Variants in S100PBP observed in about 807,000 individuals in gnomAD.
S100PBP encodes S100P-binding protein.
S100PBP carries 15 observed loss-of-function variants against 39.9 expected under a neutral mutation model. That is an observed-to-expected ratio of 0.38 (90% CI 0.25 to 0.58). S100PBP has a LOEUF of 0.58. S100PBP is among the 20% of genes least tolerant of loss of function. The pLI is 0.70. For synonymous variants in S100PBP, 178 were observed against 180.3 expected, an observed-to-expected ratio of 0.99 and a Z score of 0.10; for missense variants, 504 against 487.3, an observed-to-expected ratio of 1.03 and a Z score of -0.32.
chr1:32,857,844 A>G lies in S100PBP; in HGVS notation c.*1806A>G, dbSNP rs772510986. On this transcript the variant is annotated 3_prime_UTR_variant, in exon 7 of 7. Coordinates refer to ENST00000373475, the MANE Select transcript of S100PBP (RefSeq NM_022753.4). ...GGTCATTTAAGCCAACAATAAATTT[A>G]GGTGAATGTCCCTAAGTGTTTACTG... The G allele has an allele frequency of 6.6e-6, 1 of 152,224 alleles. No individual in the cohort carries two copies. The highest frequency in any genetic ancestry group is 1.5e-5 in the Non-Finnish European group (1 of 68,042). 9.4% of individuals were successfully genotyped at this position (152,224 alleles called of 1,614,324 possible).
chr1:32,817,160 C>A, upstream of S100PBP: 2 of 1,613,844 alleles, frequency 1.2e-6, no homozygotes, highest in Non-Finnish European at 1.7e-6. Context: ...TAATCCCCAA[C>A]GGCGCATTTC....
intron 5 of S100PBP, among the ~76,000 whole-genome samples, chr1:32,844,369 A>G (rs1442270349): frequency 6.6e-6 from 1 of 152,082 alleles, no homozygotes; most frequent in Non-Finnish European, 1.5e-5. Flanking sequence ...GATTTTAGAA[A>G]AACATTTGGA....
chr1:32,856,159 A>G lies in S100PBP; in HGVS notation c.*121A>G, dbSNP rs1466202504. 6.4e-6 allele frequency: 4 copies of G among 628,160 alleles called. No homozygotes were observed. The highest frequency in any genetic ancestry group is 1.1e-5 in the Non-Finnish European group (4 of 377,844). The allele number at this position is 628,160 out of a possible 1,614,324, so 38.9% of individuals were successfully genotyped here. ...GGATTTTATTTTTCACAAAATTTTT[A>G]TTTAAAAAACTCGTCACCTTTTGGA... On this transcript the variant is annotated 3_prime_UTR_variant, in exon 7 of 7. Coordinates refer to ENST00000373475, the MANE Select transcript of S100PBP (RefSeq NM_022753.4).
chr1:32,823,988 G>A (rs1338190975), intron 1 of S100PBP, among the ~76,000 whole-genome samples: 1 of 152,196 alleles, frequency 6.6e-6, no homozygotes, highest in Non-Finnish European at 1.5e-5. Context: ...CACAAGGTCA[G>A]GAGATGGAGA....
Position 32,826,086 on chromosome 1 carries a change from T to G in S100PBP, c.-2-12T>G. On this transcript the variant is annotated splice_polypyrimidine_tract_variant and intron_variant, in intron 2 of 6. Transcript: ENST00000373475. ...TTCTCTTCCTCAGTGAAATTGTCTCTTATTTCTCCAGAAATGATGTGCTCA... is the reference window on the plus strand; with the variant it reads ...TTCTCTTCCTCAGTGAAATTGTCTCGTATTTCTCCAGAAATGATGTGCTCA... 2 of 1,570,170 alleles carry G rather than the reference T, an allele frequency of 1.3e-6. No homozygotes were observed. The highest frequency in any genetic ancestry group is 2.3e-5 in the South Asian group (2 of 85,164).
intron 2 of S100PBP, 82 bp downstream of exon 2, chr1:32,825,511 A>G (rs1367599599): frequency 6.6e-6 from 1 of 152,366 alleles, no homozygotes; most frequent in South Asian, 2.1e-4. Flanking sequence ...TTTGTGTTAA[A>G]GTGTAAACTG....
At chr1:32,833,642 G>T (rs565394930) in intron 5 of S100PBP, among the ~76,000 whole-genome samples, 2 of 151,950 alleles carry the variant, frequency 1.3e-5, no homozygotes, top group African/African-American at 4.8e-5. Flanking sequence ...GATTACAGGC[G>T]TGAGACAGCA....
chr1:32,819,580 TA>T (rs1282957269), intron 1 of S100PBP, among the ~76,000 whole-genome samples: 2 of 151,712 alleles, frequency 1.3e-5, no homozygotes, highest in African/African-American at 4.8e-5. Flanking sequence ...AAAAATAAAA[TA>T]AAAAAATAAA....
intron 4 of S100PBP, among the ~76,000 whole-genome samples, chr1:32,828,342 C>T (rs1020626407): frequency 6.6e-6 from 1 of 151,956 alleles, no homozygotes; most frequent in Non-Finnish European, 1.5e-5. Context: ...GACATATTAG[C>T]GAAAACACTA....
chr1:32,846,240 C>T (rs751866543), intron 5 of S100PBP, among the ~76,000 whole-genome samples: 1 of 151,866 alleles, frequency 6.6e-6, no homozygotes, highest in South Asian at 2.1e-4. Flanking sequence ...CTGCCTGCCT[C>T]GGCCTCCCAA....
intron 5 of S100PBP, among the ~76,000 whole-genome samples, chr1:32,833,780 T>C (rs1040404328): frequency 6.6e-6 from 1 of 152,236 alleles, no homozygotes; most frequent in African/African-American, 2.4e-5. Context: ...TTTTGATAAT[T>C]ATCTTTCCTG....
chr1:32,830,277 C>G, intron 5 of S100PBP, among the ~76,000 whole-genome samples: 1 of 152,174 alleles, frequency 6.6e-6, no homozygotes, highest in Admixed American at 6.5e-5. Context: ...GGGATCTAAG[C>G]ACGTTTACAA....
chr1:32,841,759 GATT>G (rs978445285), intron 5 of S100PBP, among the ~76,000 whole-genome samples: 4 of 149,414 alleles, frequency 2.7e-5, no homozygotes, highest in African/African-American at 4.9e-5. Flanking sequence ...AAAAATTACG[GATT>G]ATGCTTTCAT....
chr1:32,852,831 TC>T, intron 5 of S100PBP: 1 of 441,394 alleles, frequency 2.3e-6, no homozygotes, highest in South Asian at 2.5e-5. Flanking sequence ...CAAGTAAAGT[TC>T]CCTGTATATT....
At chr1:32,829,452 G>A (rs556181276) in intron 4 of S100PBP, among the ~76,000 whole-genome samples, 14 of 151,850 alleles carry the variant, frequency 9.2e-5, no homozygotes, top group African/African-American at 2.9e-4. Context: ...CCTTCTCTTC[G>A]TCTTTTTTTA....
intron 5 of S100PBP, among the ~76,000 whole-genome samples, chr1:32,846,164 G>GT (rs200984590): frequency 0.017 from 2,634 of 150,732 alleles, 87 homozygotes; most frequent in African/African-American, 0.061. Flanking sequence ...TTATTTTGTA[G>GT]TTTTTTAGTA....
chr1:32,852,944 C>T, intron 5 of S100PBP, 135 bp from the exon 6 acceptor site: 4 of 617,650 alleles, frequency 6.5e-6, no homozygotes, highest in South Asian at 3.7e-5. Flanking sequence ...TTTCTGTGCT[C>T]ACTGCTTGTG....
At chr1:32,816,894 A>G (rs1638756075), upstream of S100PBP, 1 of 565,602 alleles carries the variant, frequency 1.8e-6, no homozygotes, top group Non-Finnish European at 3.2e-6. Flanking sequence ...CCCAGCGACT[A>G]AGCACCACGT....
chr1:32,855,819 AAAAGT>A, intron 6 of S100PBP, 100 bp from the exon 7 acceptor site: 1 of 625,636 alleles, frequency 1.6e-6, no homozygotes, highest in Non-Finnish European at 2.8e-6. Context: ...TCTGATTTCC[AAAAGT>A]AAAGATCTTC....
Sources: allele counts gnomAD v4.1 joint callset (sites outside exome capture counted in the v4.1 genomes callset), GRCh38; gene constraint gnomAD v4.1.1; transcripts MANE v1.5; gene names NCBI Gene and HGNC (gene_info 2026-07-23, HGNC 2026-07-21).